The following RBM20 variants were observed in gnomAD, a reference collection of about 807,000 sequenced individuals.
The protein encoded by RBM20 is RNA-binding protein 20.
Under a neutral mutation model 110.1 loss-of-function variants are expected in RBM20, and 51 were observed. The ratio of observed to expected loss-of-function variants is 0.46; its 90% CI spans 0.37 to 0.59. The LOEUF is 0.59. Among genes scored for constraint, RBM20 ranks in the 20% least tolerant of loss-of-function variants. RBM20 has a pLI of 0.00. For missense variants in RBM20, 1,512 were observed against 1,574.9 expected (o/e 0.96, Z 0.68); for synonymous variants, 589 against 618.2 (o/e 0.95, Z 0.70).
intron 1 of RBM20, among the ~76,000 whole-genome samples, chr10:110,659,061 G>A (rs546648533): frequency 2.0e-5 from 3 of 152,322 alleles, no homozygotes; most frequent in African/African-American, 7.2e-5. Context: ...CTGGCACATA[G>A]TGTGTTGAAT....
At chr10:110,813,367 C>G (rs889117866) in intron 9 of RBM20, among the ~76,000 whole-genome samples, 1 of 152,298 alleles carries the variant, frequency 6.6e-6, no homozygotes, top group East Asian at 1.9e-4. Flanking sequence ...TGTTTGCACC[C>G]AAAGAGCCTC....
intron 5 of RBM20, among the ~76,000 whole-genome samples, chr10:110,791,438 C>G (rs1432022925): frequency 2.0e-5 from 3 of 152,188 alleles, no homozygotes; most frequent in Non-Finnish European, 4.4e-5. Flanking sequence ...TTGCCCTAAG[C>G]CATATTTTTA....
chr10:110,665,995 A>AAGAGAG (rs56329688), intron 1 of RBM20, among the ~76,000 whole-genome samples: 7,077 of 145,140 alleles, frequency 0.049, 488 homozygotes, highest in African/African-American at 0.16. Context: ...CAAAGAAAGA[A>AAGAGAG]AGAGAGAGAG....
At position 110,812,957 on chromosome 10, in the gene RBM20, A is replaced by G. The variant is rs2135106504; in HGVS notation, c.2550+10A>G. ...AATGGCAGAGAATGAGGTAATGATC[A>G]ATTTCTTCCCCAGGTAAGGCGAGGC... On this transcript the variant is annotated intron_variant, in intron 9 of 13. Coordinates refer to ENST00000369519, the MANE Select transcript of RBM20 (RefSeq NM_001134363.3). 6.9e-7 allele frequency: 1 copy of G among 1,441,940 alleles called. No individual in the cohort carries two copies. Among genetic ancestry groups the G allele is most frequent in the Non-Finnish European group, 9.1e-7 (1 of 1,093,696 alleles). 89.3% of individuals were successfully genotyped at this position (1,441,940 alleles called of 1,614,324 possible).
chr10:110,742,473 C>T (rs1053637018), intron 1 of RBM20, among the ~76,000 whole-genome samples: 1 of 152,184 alleles, frequency 6.6e-6, no homozygotes, highest in Non-Finnish European at 1.5e-5. Context: ...ACATGGACCC[C>T]TGGACCTTGG....
At chr10:110,649,512 A>G (rs898974920) in intron 1 of RBM20, among the ~76,000 whole-genome samples, 1 of 152,202 alleles carries the variant, frequency 6.6e-6, no homozygotes. Flanking sequence ...GTTCAGAAGT[A>G]GGACACCCCT....
intron 1 of RBM20, among the ~76,000 whole-genome samples, chr10:110,753,619 G>C (rs1438629625): frequency 6.6e-6 from 1 of 152,152 alleles, no homozygotes; most frequent in African/African-American, 2.4e-5. Context: ...TGTGGCAGTT[G>C]TCTTAGTTTT....
intron 1 of RBM20, among the ~76,000 whole-genome samples, chr10:110,768,067 A>G (rs1030457047): frequency 4.6e-5 from 7 of 152,220 alleles, no homozygotes; most frequent in Non-Finnish European, 7.3e-5. Context: ...GTCTCCACCA[A>G]AAAAATACGA....
intron 1 of RBM20, among the ~76,000 whole-genome samples, chr10:110,722,508 T>A (rs74158128): frequency 1.1e-3 from 164 of 152,348 alleles, no homozygotes; most frequent in African/African-American, 3.6e-3. Flanking sequence ...ATGACATGTA[T>A]CTACCATTAT....
chr10:110,714,165 G>T (rs1198134837), intron 1 of RBM20, among the ~76,000 whole-genome samples: 1 of 152,148 alleles, frequency 6.6e-6, no homozygotes, highest in East Asian at 1.9e-4. Context: ...TGGCATAGTT[G>T]GGATTAGGGA....
chr10:110,792,498 TA>T (rs1844497260), intron 5 of RBM20, among the ~76,000 whole-genome samples: 2 of 152,216 alleles, frequency 1.3e-5, no homozygotes, highest in South Asian at 4.1e-4. Context: ...CAATTTTTAT[TA>T]CCCCTGTTTT....
chr10:110,818,538 C>G (rs1844871216), intron 9 of RBM20, among the ~76,000 whole-genome samples: 1 of 152,324 alleles, frequency 6.6e-6, no homozygotes, highest in Non-Finnish European at 1.5e-5. Context: ...CCCGTTGCAC[C>G]CATCTGTTCC....
intron 1 of RBM20, among the ~76,000 whole-genome samples, chr10:110,684,160 C>CGA (rs1333152183): frequency 1.3e-5 from 2 of 152,082 alleles, no homozygotes; most frequent in Non-Finnish European, 2.9e-5. Context: ...TTTGGGAGGC[C>CGA]GAGGCAGGTG....
At chr10:110,770,665 A>T (rs1844176065) in intron 1 of RBM20, among the ~76,000 whole-genome samples, 1 of 152,274 alleles carries the variant, frequency 6.6e-6, no homozygotes, top group Non-Finnish European at 1.5e-5. Context: ...CAGAATTTTA[A>T]TTCTTTAAAA....
Position 110,717,679 on chromosome 10 carries a change from G to C in RBM20, c.192-63122G>C, listed in dbSNP as rs114316373. Among the ~76,000 whole-genome samples the C allele has an allele frequency of 7.3e-3, 1,114 of 152,306 alleles. 12 individuals are homozygous for C. The highest frequency in any genetic ancestry group is 0.025 in the African/African-American group (1,032 of 41,572). On this transcript the variant is annotated intron_variant, in intron 1 of 13. Coordinates refer to ENST00000369519, the MANE Select transcript of RBM20 (RefSeq NM_001134363.3). ...CACTTGTGTTCTGTAGTGGATCCTG[G>C]CATCTGTTGCTCCATCTGCCTGCCA...
At chr10:110,705,663 C>T (rs891734083) in intron 1 of RBM20, among the ~76,000 whole-genome samples, 1 of 152,200 alleles carries the variant, frequency 6.6e-6, no homozygotes, top group African/African-American at 2.4e-5. Flanking sequence ...AAGTAATACA[C>T]ATATGCTAAT....
At position 110,781,435 on chromosome 10, in the gene RBM20, G is replaced by A; in HGVS notation, c.826G>A (p.Ala276Thr). The A allele has an allele frequency of 6.4e-7, 1 of 1,551,584 alleles. No homozygotes were observed. Among genetic ancestry groups the A allele is most frequent in the Non-Finnish European group, 8.7e-7 (1 of 1,146,996 alleles). Residue 276 changes from alanine (A) to threonine (T), a missense_variant, in exon 2 of 14, where the codon GCT (alanine) becomes ACT (threonine). Transcript: ENST00000369519. The part of the protein sequence containing the change: ...HYSHTGQDGQ[A>T]AFSKDFYGPN... ...CAGCCACACAGGGCAGGATGGTCAAGCTGCCTTTTCCAAAGATTTTTACGG... is the reference window on the plus strand; with the variant it reads ...CAGCCACACAGGGCAGGATGGTCAAACTGCCTTTTCCAAAGATTTTTACGG...
chr10:110,762,765 A>G (rs1844023574), intron 1 of RBM20, among the ~76,000 whole-genome samples: 2 of 152,218 alleles, frequency 1.3e-5, no homozygotes, highest in Non-Finnish European at 2.9e-5. Context: ...ACAATGGCAG[A>G]CAGGAGCAGA....
intron 1 of RBM20, among the ~76,000 whole-genome samples, chr10:110,664,374 G>T (rs1399186653): frequency 6.6e-6 from 1 of 152,144 alleles, no homozygotes; most frequent in African/African-American, 2.4e-5. Context: ...TGAACAATTT[G>T]GGCATTAAAA....
Sources: allele counts gnomAD v4.1 joint callset (sites outside exome capture counted in the v4.1 genomes callset), GRCh38; gene constraint gnomAD v4.1.1; transcripts MANE v1.5; gene names NCBI Gene and HGNC (gene_info 2026-07-23, HGNC 2026-07-21).